Variants in MTMR10 observed in about 807,000 individuals in gnomAD.
MTMR10 encodes myotubularin related protein 10, also known as myotubularin-related protein 10.
MTMR10 carries 56 observed loss-of-function variants against 88.1 expected under a neutral mutation model. The observed-to-expected ratio is 0.64, with a 90% confidence interval of 0.51 to 0.79. The LOEUF is 0.79. Ranked by LOEUF, MTMR10 falls within the 30% of genes least tolerant of loss-of-function variation. The pLI, the probability that MTMR10 is intolerant of heterozygous loss-of-function variation, is 0.00. For synonymous variants in MTMR10, 380 were observed against 340.9 expected (o/e 1.11, Z -1.26); for missense variants, 883 against 924.7 (o/e 0.95, Z 0.58).
intron 5 of MTMR10, among the ~76,000 whole-genome samples, chr15:30,970,165 T>C (rs1261466520): frequency 6.6e-6 from 1 of 152,134 alleles, no homozygotes; most frequent in Non-Finnish European, 1.5e-5. Context: ...ACATTTCACA[T>C]TGATTTAACA....
At chr15:30,928,724 C>A in the MTMR10 span, 1 of 1,606,104 alleles carries the variant, frequency 6.2e-7, no homozygotes, top group African/African-American at 1.3e-5. Flanking sequence ...CCCACCTGGG[C>A]ACCGTGTGTC....
chr15:30,987,584 G>T (rs2141073877), intron 2 of MTMR10, among the ~76,000 whole-genome samples: 1 of 152,262 alleles, frequency 6.6e-6, no homozygotes, highest in African/African-American at 2.4e-5. Flanking sequence ...TATTGAATTA[G>T]AAGTTCAAAC....
intron 2 of MTMR10, among the ~76,000 whole-genome samples, chr15:30,979,722 G>A (rs2030426153): frequency 6.6e-6 from 1 of 152,186 alleles, no homozygotes; most frequent in Admixed American, 6.5e-5. Flanking sequence ...AACGCCCATG[G>A]ACAGCCCTTC....
Position 30,940,373 on chromosome 15 carries a change from T to C in MTMR10, c.*1097A>G. 1 of 985,426 alleles carries C rather than the reference T, an allele frequency of 1.0e-6. No homozygotes were observed. Among genetic ancestry groups the C allele is most frequent in the Non-Finnish European group, 1.2e-6 (1 of 829,944 alleles). The allele number at this position is 985,426 out of a possible 1,614,324, so 61.0% of individuals were successfully genotyped here. ...GTTGGGGGCTGGGGGAGCACTTCTG[T>C]CGCTATTCAAATGGCAGTGTTTTGA... On this transcript the variant is annotated 3_prime_UTR_variant, in exon 16 of 16. Coordinates refer to ENST00000435680, the MANE Select transcript of MTMR10 (RefSeq NM_017762.3).
At chr15:30,935,650 G>T (rs1334050795), downstream of MTMR10, among the ~76,000 whole-genome samples, 1 of 152,136 alleles carries the variant, frequency 6.6e-6, no homozygotes, top group Admixed American at 6.5e-5. Context: ...GGGGGTCCTT[G>T]AATCAGTCCC....
In MTMR10 at chr15:30,939,395, GT is replaced by G; in HGVS notation, c.*2074del. 1 of 985,444 alleles carries G rather than the reference GT, an allele frequency of 1.0e-6. No individual in the cohort carries two copies. The highest frequency in any genetic ancestry group is 1.7e-5 in the African/African-American group (1 of 57,350). 61.0% of individuals were successfully genotyped at this position (985,444 alleles called of 1,614,324 possible). A position where few individuals can be genotyped will look rare whatever the true frequency, so the allele number is the denominator to read the frequency against. ...CGCCCTGTGCAGCCACACCACTGCT[GT>G]CACCACATGTCCCTCTGACGGCAGA... On this transcript the variant is annotated 3_prime_UTR_variant, in exon 16 of 16. Transcript: ENST00000435680.
Position 30,939,325 on chromosome 15 carries a change from C to A in MTMR10, c.*2145G>T, listed in dbSNP as rs181070366. On this transcript the variant is annotated 3_prime_UTR_variant, in exon 16 of 16. Transcript: ENST00000435680. Reference sequence around the variant, plus strand: ...GCATCTGTGCGGCATTCCCTCAGCACGGGCTCTGCTGGCGGGCAGCAGGGG... The same window carrying A: ...GCATCTGTGCGGCATTCCCTCAGCAAGGGCTCTGCTGGCGGGCAGCAGGGG... The A allele has an allele frequency of 3.0e-6, 3 of 985,370 alleles. No homozygotes were observed. Among genetic ancestry groups the A allele is most frequent in the Non-Finnish European group, 2.4e-6 (2 of 829,968 alleles). The allele number at this position is 985,370 out of a possible 1,614,324, so 61.0% of individuals were successfully genotyped here. A position where few individuals can be genotyped will look rare whatever the true frequency, so the allele number is the denominator to read the frequency against.
chr15:30,943,843 C>A, intron 14 of MTMR10: 1 of 985,434 alleles, frequency 1.0e-6, no homozygotes, highest in Non-Finnish European at 1.2e-6. Context: ...GAAGCACAGT[C>A]ACATTTAGCA....
At chr15:30,929,616 ATATATAT>A in the MTMR10 span, among the ~76,000 whole-genome samples, 264 of 129,226 alleles carry the variant, frequency 2.0e-3, 11 homozygotes, top group African/African-American at 6.9e-3. Context: ...TACATATATA[ATATATAT>A]TATATATTAT....
chr15:30,925,264 A>G, the MTMR10 span: 1 of 1,614,182 alleles, frequency 6.2e-7, no homozygotes, highest in Non-Finnish European at 8.5e-7. Context: ...AGCAGCTCCC[A>G]GAAATGGCTG....
the MTMR10 span, chr15:30,930,594 C>G: frequency 6.2e-7 from 1 of 1,612,946 alleles, no homozygotes; most frequent in Non-Finnish European, 8.5e-7. Flanking sequence ...GTGCAGGCAC[C>G]TGGCTGCTGA....
Position 30,976,882 on chromosome 15 carries a change from C to G in MTMR10, c.195G>C (p.Trp65Cys). 1 of 1,613,816 alleles carries G rather than the reference C, an allele frequency of 6.2e-7. No homozygotes were observed. The highest frequency in any genetic ancestry group is 8.5e-7 in the Non-Finnish European group (1 of 1,179,774). ...IATDTSQYDL[W>C]GKLICSNFKI... ...TGAAGTTACTGCATATCAGCTTTCC[C>G]CACAAATCGTACTGGCTTGTGTCTG... is the stretch of plus-strand genomic sequence containing the variant. The change falls in exon 3 of 16, where the codon TGG becomes TGC. Residue 65 changes from tryptophan to cysteine, a missense_variant. Coordinates refer to ENST00000435680, the MANE Select transcript of MTMR10 (RefSeq NM_017762.3).
chr15:30,940,505 G>T lies in MTMR10; in HGVS notation c.*965C>A, dbSNP rs147933228. Reference sequence around the variant, plus strand: ...GTAACCTCATTAGTTATTTCCAGGGGGAAGTGCCAGCAATAGTTTACCACA... The same window carrying T: ...GTAACCTCATTAGTTATTTCCAGGGTGAAGTGCCAGCAATAGTTTACCACA... On this transcript the variant is annotated 3_prime_UTR_variant, in exon 16 of 16. Transcript: ENST00000435680. The T allele has an allele frequency of 1.0e-6, 1 of 985,418 alleles. No homozygotes were observed. Among genetic ancestry groups the T allele is most frequent in the African/African-American group, 1.7e-5 (1 of 57,340 alleles). The allele number at this position is 985,418 out of a possible 1,614,324, so 61.0% of individuals were successfully genotyped here.
intron 9 of MTMR10, among the ~76,000 whole-genome samples, chr15:30,955,332 A>G (rs1042657712): frequency 1.3e-5 from 2 of 152,088 alleles, no homozygotes; most frequent in Non-Finnish European, 2.9e-5. Context: ...GTGCAGTGGC[A>G]CCATCTCGGC....
chr15:30,931,191 C>G, the MTMR10 span, among the ~76,000 whole-genome samples: 1 of 152,184 alleles, frequency 6.6e-6, no homozygotes, highest in Admixed American at 6.5e-5. Flanking sequence ...TATACATCTA[C>G]TATGTACCCA....
Position 30,985,032 on chromosome 15 carries a change from C to G in MTMR10, c.121+5745G>C, listed in dbSNP as rs549934276. On this transcript the variant is annotated intron_variant, in intron 2 of 15. Coordinates refer to ENST00000435680, the MANE Select transcript of MTMR10 (RefSeq NM_017762.3). ...ATTTTACCCTTCTGCCAAACTGCATCAAGCACACACTCAATACCTGCAGAA... is the reference window on the plus strand; with the variant it reads ...ATTTTACCCTTCTGCCAAACTGCATGAAGCACACACTCAATACCTGCAGAA... Among the ~76,000 whole-genome samples the G allele has an allele frequency of 1.1e-3, 172 of 152,312 alleles. No homozygotes were observed. In the Middle Eastern group the frequency reaches 0.034, roughly 30 times the overall value.
In MTMR10 at chr15:30,939,636, CAAT is replaced by C. The variant is rs1185740543; in HGVS notation, c.*1831_*1833del. 9 of 907,378 alleles carry C rather than the reference CAAT, an allele frequency of 9.9e-6. No homozygotes were observed. Among genetic ancestry groups the C allele is most frequent in the African/African-American group, 2.0e-5 (1 of 49,750 alleles). 56.2% of individuals were successfully genotyped at this position (907,378 alleles called of 1,614,324 possible). ...TATTTTTAAACTTGTAAATTAACAACAATAAAATACTACAAGAGTTAAAATAAA... is the reference window on the plus strand; with the variant it reads ...TATTTTTAAACTTGTAAATTAACAACAAAATACTACAAGAGTTAAAATAAA... On this transcript the variant is annotated 3_prime_UTR_variant, in exon 16 of 16. Coordinates refer to ENST00000435680, the MANE Select transcript of MTMR10 (RefSeq NM_017762.3).
chr15:30,941,988 T>A lies in MTMR10; in HGVS notation c.1816A>T (p.Asn606Tyr). The A allele has an allele frequency of 6.2e-7, 1 of 1,614,036 alleles. No individual in the cohort carries two copies. Among genetic ancestry groups the A allele is most frequent in the Non-Finnish European group, 8.5e-7 (1 of 1,179,898 alleles). ...GGCTTTGGTTTTAATATCAATGAAT[T>A]TCTCCTTGGAAGTAATTCTTGGTCA... ...ISDQELLPRR[N>Y]SLILKPKPDP... The change falls in exon 16 of 16, where the codon AAT (asparagine) becomes TAT (tyrosine). Residue 606 changes from asparagine to tyrosine, a missense_variant. Asn to Tyr is a moderately radical substitution (Grantham distance 143). Transcript: ENST00000435680.
intron 3 of MTMR10, among the ~76,000 whole-genome samples, chr15:30,976,510 T>C (rs1255117331): frequency 6.6e-6 from 1 of 152,208 alleles, no homozygotes. Flanking sequence ...TTTCTCTTTA[T>C]GTCATTTTTA....
Sources: gnomAD v4.1 joint callset for allele counts (sites outside exome capture counted in the v4.1 genomes callset) on GRCh38, gnomAD v4.1.1 for gene constraint, MANE v1.5 for transcripts, NCBI Gene and HGNC (gene_info 2026-07-23, HGNC 2026-07-21) for gene names.